The following PARVA variants were observed in gnomAD, a reference collection of about 807,000 sequenced individuals.
PARVA encodes parvin alpha.
In PARVA, 25 loss-of-function variants were observed where a neutral mutation model predicts 52.6. The observed-to-expected ratio is 0.48, with a 90% CI of 0.35 to 0.66. PARVA has a LOEUF of 0.66. PARVA is among the 30% of genes least tolerant of loss of function. The pLI is 0.01. For synonymous variants in PARVA, 185 were observed against 179.1 expected (o/e 1.03, Z -0.26); for missense variants, 373 against 450.9 (o/e 0.83, Z 1.56).
At chr11:12,504,776 T>TGTGTGTGTGG (rs1564865009) in intron 6 of PARVA, among the ~76,000 whole-genome samples, 1 of 147,494 alleles carries the variant, frequency 6.8e-6, no homozygotes, top group Non-Finnish European at 1.5e-5. Flanking sequence ...GGTATGTGGG[T>TGTGTGTGTGG]GTGTGTGTGT....
chr11:12,476,550 T>C (rs146905091), intron 3 of PARVA, among the ~76,000 whole-genome samples: 82 of 151,686 alleles, frequency 5.4e-4, no homozygotes, highest in African/African-American at 1.7e-3. Flanking sequence ...CCTCCCCTCA[T>C]TCCTGATCTC....
intron 3 of PARVA, among the ~76,000 whole-genome samples, chr11:12,475,443 G>A (rs1448991317): frequency 6.6e-6 from 1 of 152,180 alleles, no homozygotes; most frequent in Admixed American, 6.5e-5. Flanking sequence ...TGGGGTTAGA[G>A]ACTGTCTTTT....
chr11:12,525,194 A>G (rs916988222), intron 12 of PARVA, among the ~76,000 whole-genome samples: 4 of 152,178 alleles, frequency 2.6e-5, no homozygotes, highest in Non-Finnish European at 5.9e-5. Flanking sequence ...CAAAGCCACA[A>G]TTTAGGATTT....
At chr11:12,445,285 GC>G (rs544964573) in intron 1 of PARVA, among the ~76,000 whole-genome samples, 95 of 152,288 alleles carry the variant, frequency 6.2e-4, no homozygotes, top group Non-Finnish European at 1.2e-3. Flanking sequence ...TTGCTCCTAA[GC>G]CTGAAACGGG....
intron 1 of PARVA, among the ~76,000 whole-genome samples, chr11:12,450,609 C>G (rs1038728605): frequency 1.3e-5 from 2 of 152,196 alleles, no homozygotes; most frequent in African/African-American, 4.8e-5. Flanking sequence ...TTGACTCACA[C>G]TCTCACAAGG....
In PARVA at chr11:12,532,788, G is replaced by A. The variant is rs1266237801; in HGVS notation, c.*4863G>A. Among the ~76,000 whole-genome samples the A allele has an allele frequency of 6.6e-6, 1 of 152,166 alleles. No individual in the cohort carries two copies. Among genetic ancestry groups the A allele is most frequent in the Non-Finnish European group, 1.5e-5 (1 of 68,042 alleles). On this transcript the variant is annotated 3_prime_UTR_variant, in exon 13 of 13. Coordinates refer to ENST00000334956, the MANE Select transcript of PARVA (RefSeq NM_018222.5). ...GGAGGATCCCCAGACAAGAAGACCTGGCTCCCCAGAGGAGTGCGGAAAGCC... is the reference window on the plus strand; with the variant it reads ...GGAGGATCCCCAGACAAGAAGACCTAGCTCCCCAGAGGAGTGCGGAAAGCC...
rs551903516 is a variant in PARVA at position 12,422,788 on chromosome 11, ATATT to A, written c.136+45009_136+45012del. On this transcript the variant is annotated intron_variant, in intron 1 of 12. Coordinates refer to ENST00000334956, the MANE Select transcript of PARVA (RefSeq NM_018222.5). ...ATTTTATTATTATTTTGGATTATAAATATTTATCCATTATATTTATCATAATTTA... is the reference window on the plus strand; with the variant it reads ...ATTTTATTATTATTTTGGATTATAAATATCCATTATATTTATCATAATTTA... Among the ~76,000 whole-genome samples, 484 of 152,248 alleles carry A rather than the reference ATATT, an allele frequency of 3.2e-3. 5 individuals carry two copies. The highest frequency in any genetic ancestry group is 5.6e-3 in the Non-Finnish European group (378 of 68,010).
At chr11:12,501,105 TC>T (rs1941357863) in intron 5 of PARVA, among the ~76,000 whole-genome samples, 1 of 133,122 alleles carries the variant, frequency 7.5e-6, no homozygotes, top group Non-Finnish European at 1.5e-5. Flanking sequence ...AAAATCCATC[TC>T]AAAAAAAAAA....
chr11:12,523,226 T>G (rs971686513), intron 12 of PARVA, among the ~76,000 whole-genome samples: 1 of 151,716 alleles, frequency 6.6e-6, no homozygotes, highest in Non-Finnish European at 1.5e-5. Context: ...CCTGCCCCGG[T>G]GGGGAATAGA....
Position 12,377,747 on chromosome 11 carries a change from G to A in PARVA, c.100G>A (p.Gly34Arg). The change falls in exon 1 of 13, where the codon GGA becomes AGA. Residue 34 changes from glycine to arginine, a missense_variant. Transcript: ENST00000334956. Reference protein sequence around the residue: ...KKDDSFLGKLGGTLARRKKAK... With the variant: ...KKDDSFLGKLRGTLARRKKAK... ...AGATGATTCCTTCTTGGGGAAACTC[G>A]GAGGGACCCTGGCCCGGAGGAAGAA... is the stretch of plus-strand genomic sequence containing the variant. The A allele has an allele frequency of 6.5e-7, 1 of 1,549,374 alleles. No homozygotes were observed. The highest frequency in any genetic ancestry group is 1.4e-5 in the African/African-American group (1 of 69,766).
chr11:12,457,521 G>A (rs549947144), intron 1 of PARVA, among the ~76,000 whole-genome samples: 4 of 152,280 alleles, frequency 2.6e-5, no homozygotes, highest in East Asian at 1.9e-4. Context: ...TTCCTCCATT[G>A]CTGCCTCAGT....
intron 5 of PARVA, 75 bp from the exon 6 acceptor site, chr11:12,504,239 C>T (rs1941398935): frequency 3.7e-6 from 3 of 801,724 alleles, no homozygotes; most frequent in Non-Finnish European, 6.4e-6. Flanking sequence ...GGTACTACTA[C>T]ACTTTGAACA....
chr11:12,439,765 C>T (rs542116005), intron 1 of PARVA, among the ~76,000 whole-genome samples: 6 of 152,216 alleles, frequency 3.9e-5, no homozygotes, highest in South Asian at 4.1e-4. Context: ...CTTCTTGTTC[C>T]CTACAGGAGC....
At chr11:12,451,045 T>C (rs1426591) in intron 1 of PARVA, among the ~76,000 whole-genome samples, 69,572 of 151,964 alleles carry the variant, frequency 0.46, 16,223 homozygotes, top group South Asian at 0.62. Context: ...ATCAAGTTGA[T>C]ACTCTATGTT....
chr11:12,518,955 A>C (rs532497268), intron 12 of PARVA, among the ~76,000 whole-genome samples: 1 of 152,222 alleles, frequency 6.6e-6, no homozygotes, highest in African/African-American at 2.4e-5. Flanking sequence ...GTCTGAGGAC[A>C]GGCCATGATT....
At chr11:12,377,864 G>T (rs541405446) in intron 1 of PARVA, 81 bp downstream of exon 1, 13 of 1,046,814 alleles carry the variant, frequency 1.2e-5, no homozygotes, top group African/African-American at 1.7e-5. Flanking sequence ...ACTGGGACCG[G>T]GCGGGAGCGC....
intron 1 of PARVA, among the ~76,000 whole-genome samples, chr11:12,465,539 A>G (rs751871237): frequency 1.3e-5 from 2 of 152,176 alleles, no homozygotes; most frequent in Non-Finnish European, 2.9e-5. Flanking sequence ...TACTTTGCCT[A>G]TTCAGCATTT....
intron 1 of PARVA, among the ~76,000 whole-genome samples, chr11:12,406,313 G>T (rs1056075220): frequency 6.6e-6 from 1 of 152,188 alleles, no homozygotes; most frequent in Non-Finnish European, 1.5e-5. Flanking sequence ...GATTGGATGA[G>T]GTCCAGCCAC....
At chr11:12,380,685 T>C (rs1420178647) in intron 1 of PARVA, among the ~76,000 whole-genome samples, 1 of 148,868 alleles carries the variant, frequency 6.7e-6, no homozygotes, top group East Asian at 1.9e-4. Context: ...CGAAGTGAGC[T>C]CTCCAGAAGT....
Sources: allele counts gnomAD v4.1 joint callset (sites outside exome capture counted in the v4.1 genomes callset), GRCh38; gene constraint gnomAD v4.1.1; transcripts MANE v1.5; gene names NCBI Gene and HGNC (gene_info 2026-07-23, HGNC 2026-07-21).